Variants in UBLCP1 observed in about 807,000 individuals in gnomAD.
UBLCP1 encodes the protein ubiquitin like domain containing CTD phosphatase 1.
In UBLCP1, 28 loss-of-function variants were observed where a neutral mutation model predicts 42.4. That is an observed-to-expected ratio of 0.66 (90% CI 0.49 to 0.90). The LOEUF (loss-of-function observed/expected upper bound fraction) is 0.90. Among genes scored for constraint, UBLCP1 ranks in the 40% least tolerant of loss-of-function variants. The probability of loss-of-function intolerance (pLI) is 0.00; values close to 1 mark genes in which losing one functional copy is unlikely to be tolerated. For synonymous variants in UBLCP1, 122 were observed against 120.8 expected, an observed-to-expected ratio of 1.01 and a Z score of -0.07; for missense variants, 279 against 374.5, an observed-to-expected ratio of 0.75 and a Z score of 2.10.
Position 159,270,000 on chromosome 5 carries a change from G to GAAGATGTCT in UBLCP1, c.246+1_246+2insAAGATGTCT. ...GATGGGAACTCGTGAGGAGAGCTTG[G>GAAGATGTCT]TAAATGTTTACTTTTTGTTACCATT... On this transcript the variant is annotated splice_donor_variant, in intron 3 of 10. Coordinates refer to ENST00000296786, the MANE Select transcript of UBLCP1 (RefSeq NM_145049.5). LOFTEE classifies it high-confidence loss of function. The GAAGATGTCT allele has an allele frequency of 6.2e-7, 1 of 1,607,158 alleles. No homozygotes were observed. The highest frequency in any genetic ancestry group is 1.7e-5 in the Admixed American group (1 of 58,812).
At chr5:159,278,719 C>T (rs1313092941) in intron 9 of UBLCP1, among the ~76,000 whole-genome samples, 9 of 152,058 alleles carry the variant, frequency 5.9e-5, no homozygotes, top group Admixed American at 2.0e-4. Flanking sequence ...ATTACAGGCA[C>T]GCACCACCAC....
At chr5:159,276,270 A>G (rs1405608211) in intron 8 of UBLCP1, among the ~76,000 whole-genome samples, 2 of 152,190 alleles carry the variant, frequency 1.3e-5, no homozygotes, top group African/African-American at 4.8e-5. Context: ...CCTGGGTGAC[A>G]GAGCAAGATT....
At chr5:159,278,823 G>A (rs537175688) in intron 9 of UBLCP1, among the ~76,000 whole-genome samples, 4 of 152,054 alleles carry the variant, frequency 2.6e-5, no homozygotes, top group East Asian at 1.9e-4. Context: ...TGCCCACCTC[G>A]ACCTCCCACA....
rs773043886 is a variant in UBLCP1 at position 159,272,019 on chromosome 5, T to G, written c.449-4T>G. 6.2e-7 allele frequency: 1 copy of G among 1,609,314 alleles called. No homozygotes were observed. The highest frequency in any genetic ancestry group is 8.5e-7 in the Non-Finnish European group (1 of 1,176,682). ...ATAATTATTTATGATCAATTTTCTT[T>G]TAGACCACAGGTCTTGTGCAGAGAC... On this transcript the variant is annotated splice_region_variant and splice_polypyrimidine_tract_variant and intron_variant, in intron 5 of 10. Transcript: ENST00000296786.
intron 1 of UBLCP1, among the ~76,000 whole-genome samples, chr5:159,264,660 ACT>A (rs1192780227): frequency 6.6e-6 from 1 of 152,096 alleles, no homozygotes. Flanking sequence ...TGTAGTACTG[ACT>A]CTCAAATTTG....
chr5:159,278,684 T>C (rs1297781881), intron 9 of UBLCP1, among the ~76,000 whole-genome samples: 2 of 152,146 alleles, frequency 1.3e-5, no homozygotes, highest in Non-Finnish European at 2.9e-5. Context: ...GTGATTCTCC[T>C]GCCTCAGCCT....
chr5:159,279,468 C>T (rs529895643), intron 9 of UBLCP1, among the ~76,000 whole-genome samples: 1 of 152,300 alleles, frequency 6.6e-6, no homozygotes, highest in South Asian at 2.1e-4. Flanking sequence ...AAGTGGCAGT[C>T]CTGACACTGA....
chr5:159,265,559 T>C (rs1468466460), intron 1 of UBLCP1, among the ~76,000 whole-genome samples: 1 of 152,176 alleles, frequency 6.6e-6, no homozygotes, highest in Non-Finnish European at 1.5e-5. Context: ...AAATCTCAAC[T>C]TGAATTGTAT....
chr5:159,270,676 T>C, intron 5 of UBLCP1, 33 bp downstream of exon 5: 1 of 1,370,186 alleles, frequency 7.3e-7, no homozygotes, highest in Non-Finnish European at 1.0e-6. Context: ...TCATTTTCTG[T>C]TACCCACAAC....
At chr5:159,270,708 GTTT>G (rs372342661) in intron 5 of UBLCP1, 65 bp downstream of exon 5, 4 of 799,634 alleles carry the variant, frequency 5.0e-6, no homozygotes, top group Non-Finnish European at 6.9e-6. Flanking sequence ...TCTTTTCTTT[GTTT>G]TTTTTTTTTC....
intron 9 of UBLCP1, among the ~76,000 whole-genome samples, chr5:159,280,348 G>A (rs967630407): frequency 2.0e-5 from 3 of 152,162 alleles, no homozygotes; most frequent in African/African-American, 7.2e-5. Flanking sequence ...TGTCACCCAG[G>A]CTGGAGTGCA....
At chr5:159,283,180 T>G in intron 9 of UBLCP1, 32 bp from the exon 10 acceptor site, 1 of 1,584,084 alleles carries the variant, frequency 6.3e-7, no homozygotes, top group Non-Finnish European at 8.5e-7. Flanking sequence ...TATCACATTG[T>G]GATGTGTTGA....
rs956757223 is a variant in UBLCP1, at chr5:159,268,956, A to T, written c.41A>T (p.Tyr14Phe). The T allele has an allele frequency of 6.2e-7, 1 of 1,612,190 alleles. No homozygotes were observed. Among genetic ancestry groups the T allele is most frequent in the African/African-American group, 1.3e-5 (1 of 74,806 alleles). ...PIIVKWGGQE[Y>F]SVTTLSEDDT... ...ATTGTAAAATGGGGTGGACAGGAGT[A>T]TTCAGTGACCACACTTTCAGAAGAT... The change falls in exon 2 of 11, where the codon TAT becomes TTT. Residue 14 changes from tyrosine (Y) to phenylalanine (F), a missense_variant. Transcript: ENST00000296786.
At chr5:159,284,765 C>A in intron 10 of UBLCP1, 139 bp from the exon 11 acceptor site, 2 of 823,964 alleles carry the variant, frequency 2.4e-6, no homozygotes, top group Non-Finnish European at 4.1e-6. Context: ...TGCACATAAT[C>A]AGTAGATGTA....
At chr5:159,280,447 C>T (rs1480983087) in intron 9 of UBLCP1, among the ~76,000 whole-genome samples, 3 of 152,050 alleles carry the variant, frequency 2.0e-5, no homozygotes, top group East Asian at 3.9e-4. Flanking sequence ...GGACTACAGG[C>T]GCACGTTACC....
At position 159,269,899 on chromosome 5, in the gene UBLCP1, G is replaced by C. The variant is rs780242289; in HGVS notation, c.155-9G>C. 26 of 1,609,252 alleles carry C rather than the reference G, an allele frequency of 1.6e-5. No homozygotes were observed. Among genetic ancestry groups the C allele is most frequent in the Middle Eastern group, 3.3e-4 (2 of 6,068 alleles). ...TTAGTGAGAAAACAGTCATTTGCTT[G>C]TATTGTAGGCAAACCTGCAGAAAAT... is the stretch of plus-strand genomic sequence containing the variant. On this transcript the variant is annotated splice_polypyrimidine_tract_variant and intron_variant, in intron 2 of 10. Coordinates refer to ENST00000296786, the MANE Select transcript of UBLCP1 (RefSeq NM_145049.5).
At chr5:159,284,789 A>G in intron 10 of UBLCP1, 115 bp from the exon 11 acceptor site, 1 of 1,030,552 alleles carries the variant, frequency 9.7e-7, no homozygotes. Flanking sequence ...GACTATTAAG[A>G]ATACTCATCT....
chr5:159,270,879 A>G (rs1753457188), intron 5 of UBLCP1, among the ~76,000 whole-genome samples: 1 of 151,052 alleles, frequency 6.6e-6, no homozygotes, highest in Non-Finnish European at 1.5e-5. Flanking sequence ...TATCTTTTAG[A>G]CTGTTTGTAT....
chr5:159,276,021 A>G (rs1478613011), intron 8 of UBLCP1, among the ~76,000 whole-genome samples: 1 of 152,252 alleles, frequency 6.6e-6, no homozygotes, highest in East Asian at 1.9e-4. Context: ...TATTTTACTC[A>G]TCAAGTAACT....
Sources: gnomAD v4.1 joint callset for allele counts (sites outside exome capture counted in the v4.1 genomes callset) on GRCh38, gnomAD v4.1.1 for gene constraint, MANE v1.5 for transcripts, NCBI Gene and HGNC (gene_info 2026-07-23, HGNC 2026-07-21) for gene names.